PRKCA: variants seen among roughly 807,000 people sequenced by gnomAD.
PRKCA encodes protein kinase C alpha type.
Under a neutral mutation model 87.0 loss-of-function variants are expected in PRKCA, and 27 were observed. The observed-to-expected ratio is 0.31, with a 90% CI of 0.23 to 0.43. The LOEUF is 0.43. Ranked by LOEUF, PRKCA falls within the 20% of genes least tolerant of loss-of-function variation. The pLI is 1.00. For missense variants in PRKCA, 518 were observed against 852.3 expected (o/e 0.61, Z 4.88); for synonymous variants, 329 against 311.1 (o/e 1.06, Z -0.61).
intron 8 of PRKCA, among the ~76,000 whole-genome samples, chr17:66,711,427 A>T (rs1208826993): frequency 3.9e-5 from 6 of 152,140 alleles, no homozygotes; most frequent in Non-Finnish European, 8.8e-5. Flanking sequence ...TCATTTTTTA[A>T]TGTTTTCCCA....
In PRKCA at chr17:66,774,062, G is replaced by A; in HGVS notation, c.1600G>A (p.Gly534Arg). The A allele has an allele frequency of 6.2e-7, 1 of 1,614,046 alleles. No individual in the cohort carries two copies. The highest frequency in any genetic ancestry group is 8.5e-7 in the Non-Finnish European group (1 of 1,179,996). The stretch of plus-strand genomic sequence containing the variant: ...CGTCCTGTTGTATGAAATGCTTGCC[G>A]GGCAGGTAATGTTTTGCTACATTTT... Reference protein sequence around the residue: ...YGVLLYEMLAGQPPFDGEDED... With the variant: ...YGVLLYEMLARQPPFDGEDED... Residue 534 changes from glycine (G) to arginine (R), a missense_variant, in exon 14 of 17, where the codon GGG (glycine) becomes AGG (arginine). Around this residue, in one of 5 missense-constraint regions of PRKCA, gnomAD observed 159 missense variants for 232.4 expected, o/e 0.68. Transcript: ENST00000413366.
At chr17:66,758,723 A>G (rs1974612835) in intron 13 of PRKCA, among the ~76,000 whole-genome samples, 1 of 152,194 alleles carries the variant, frequency 6.6e-6, no homozygotes, top group African/African-American at 2.4e-5. Context: ...ATTCGCTCGC[A>G]GTAGCCTCTC....
At chr17:66,430,357 G>A (rs1170760802) in intron 2 of PRKCA, among the ~76,000 whole-genome samples, 1 of 151,814 alleles carries the variant, frequency 6.6e-6, no homozygotes, top group Non-Finnish European at 1.5e-5. Context: ...CCTCTGCCAT[G>A]CCTCCTTTCC....
At chr17:66,343,534 C>A (rs1043618838) in intron 2 of PRKCA, among the ~76,000 whole-genome samples, 1 of 152,074 alleles carries the variant, frequency 6.6e-6, no homozygotes, top group Non-Finnish European at 1.5e-5. Flanking sequence ...GTTCATTTGG[C>A]CTGCTGTGCA....
At position 66,566,488 on chromosome 17, in the gene PRKCA, T is replaced by G. The variant is rs560155383; in HGVS notation, c.288+70205T>G. ...ACTGTTGTTGTTTTTTGGTTTTTTT[T>G]TTTTTTTTTTTTTTGCAACAGCTTT... On this transcript the variant is annotated intron_variant, in intron 3 of 16. Coordinates refer to ENST00000413366, the MANE Select transcript of PRKCA (RefSeq NM_002737.3). 5.5e-4 allele frequency among the ~76,000 whole-genome samples: 82 copies of G among 148,054 alleles called. 1 individual carries two copies. Among genetic ancestry groups the G allele is most frequent in the African/African-American group, 1.3e-3 (52 of 39,912 alleles).
intron 3 of PRKCA, among the ~76,000 whole-genome samples, chr17:66,545,292 G>T (rs572233133): frequency 6.6e-6 from 1 of 152,170 alleles, no homozygotes; most frequent in South Asian, 2.1e-4. Flanking sequence ...AGCCAGGCGT[G>T]GTGGCGGGTG....
At chr17:66,308,516 A>G (rs16959046) in intron 2 of PRKCA, among the ~76,000 whole-genome samples, 20,735 of 152,170 alleles carry the variant, frequency 0.14, 1,677 homozygotes, top group South Asian at 0.25. Flanking sequence ...TGCTTTCTAT[A>G]TAGTTCTTTG....
At chr17:66,561,994 T>G (rs1968694236) in intron 3 of PRKCA, among the ~76,000 whole-genome samples, 1 of 149,792 alleles carries the variant, frequency 6.7e-6, no homozygotes, top group Non-Finnish European at 1.5e-5. Context: ...GTGAATGTAC[T>G]TACTGCCATA....
chr17:66,413,628 C>A (rs1478930956), intron 2 of PRKCA, among the ~76,000 whole-genome samples: 1 of 152,114 alleles, frequency 6.6e-6, no homozygotes, highest in African/African-American at 2.4e-5. Context: ...CCAACAGATT[C>A]CAAAAGATTT....
chr17:66,686,109 T>C (rs578034028), intron 5 of PRKCA, among the ~76,000 whole-genome samples: 2 of 152,326 alleles, frequency 1.3e-5, no homozygotes, highest in African/African-American at 4.8e-5. Flanking sequence ...GCATTTGAGA[T>C]AGGAGACTCA....
chr17:66,642,997 G>A (rs1971348324), intron 4 of PRKCA, among the ~76,000 whole-genome samples: 1 of 152,126 alleles, frequency 6.6e-6, no homozygotes, highest in African/African-American at 2.4e-5. Context: ...CCAAGATTGT[G>A]CCATTGCACT....
At chr17:66,321,345 G>A (rs1905645560) in intron 2 of PRKCA, among the ~76,000 whole-genome samples, 1 of 152,212 alleles carries the variant, frequency 6.6e-6, no homozygotes, top group Admixed American at 6.5e-5. Context: ...ACTGAAGACA[G>A]TTGGTCTGAA....
intron 2 of PRKCA, among the ~76,000 whole-genome samples, chr17:66,484,398 A>T (rs1188180620): frequency 6.6e-6 from 1 of 152,184 alleles, no homozygotes; most frequent in Non-Finnish European, 1.5e-5. Context: ...ATAATAGTAA[A>T]TTGCATTGAG....
intron 8 of PRKCA, among the ~76,000 whole-genome samples, chr17:66,730,946 C>T (rs1390485882): frequency 6.6e-6 from 1 of 152,212 alleles, no homozygotes; most frequent in African/African-American, 2.4e-5. Flanking sequence ...TGAGTGCCTT[C>T]CTTATCTCCT....
chr17:66,583,553 G>A (rs998180238), intron 3 of PRKCA, among the ~76,000 whole-genome samples: 2 of 149,684 alleles, frequency 1.3e-5, no homozygotes, highest in African/African-American at 2.5e-5. Flanking sequence ...ATCTTTGATG[G>A]AAACCAAACA....
chr17:66,800,005 GT>G (rs1353527367), intron 16 of PRKCA, among the ~76,000 whole-genome samples: 1 of 152,036 alleles, frequency 6.6e-6, no homozygotes, highest in Non-Finnish European at 1.5e-5. Context: ...TAACCCTCAG[GT>G]CATCCTGCAG....
chr17:66,767,362 G>A (rs189060386), intron 13 of PRKCA, among the ~76,000 whole-genome samples: 84 of 152,296 alleles, frequency 5.5e-4, no homozygotes, highest in African/African-American at 1.9e-3. Flanking sequence ...CTGGTACGGA[G>A]TGAAGACGGA....
At chr17:66,411,417 C>T (rs1355806279) in intron 2 of PRKCA, among the ~76,000 whole-genome samples, 1 of 152,050 alleles carries the variant, frequency 6.6e-6, no homozygotes, top group Non-Finnish European at 1.5e-5. Flanking sequence ...TTTAGACACA[C>T]TTAGATGTTT....
intron 2 of PRKCA, among the ~76,000 whole-genome samples, chr17:66,311,802 C>G (rs1905098506): frequency 6.6e-6 from 1 of 152,082 alleles, no homozygotes. Flanking sequence ...AATTGCTACT[C>G]TTTTACTTTA....
Sources: gnomAD v4.1 joint callset for allele counts (sites outside exome capture counted in the v4.1 genomes callset) on GRCh38, gnomAD v4.1.1 for gene constraint, gnomAD v4.1.1 regional missense constraint, MANE v1.5 for transcripts, NCBI Gene and HGNC (gene_info 2026-07-23, HGNC 2026-07-21) for gene names.